TMEM108: variants seen among roughly 807,000 people sequenced by gnomAD.
TMEM108 encodes the protein cancer/testis antigen 124.
TMEM108 carries 12 observed loss-of-function variants against 35.1 expected under a neutral mutation model. The ratio of observed to expected loss-of-function variants is 0.34; its 90% CI spans 0.22 to 0.55. The LOEUF (loss-of-function observed/expected upper bound fraction) is 0.55. TMEM108 is among the 20% of genes least tolerant of loss of function. The pLI is 0.89. For synonymous variants in TMEM108, 287 were observed against 308.6 expected, an observed-to-expected ratio of 0.93 and a Z score of 0.73; for missense variants, 680 against 753.3, an observed-to-expected ratio of 0.90 and a Z score of 1.14.
At chr3:133,272,389 C>T (rs1946785532) in intron 3 of TMEM108, among the ~76,000 whole-genome samples, 1 of 151,802 alleles carries the variant, frequency 6.6e-6, no homozygotes, top group African/African-American at 2.4e-5. Context: ...ATCTCATAGA[C>T]CCTATGGTCA....
intron 2 of TMEM108, among the ~76,000 whole-genome samples, chr3:133,149,034 A>T (rs1019810936): frequency 6.6e-6 from 1 of 151,994 alleles, no homozygotes; most frequent in Admixed American, 6.6e-5. Flanking sequence ...AAACACAAAT[A>T]TTTAACCTAG....
intron 3 of TMEM108, among the ~76,000 whole-genome samples, chr3:133,242,066 G>A (rs985497723): frequency 3.9e-5 from 6 of 152,108 alleles, no homozygotes; most frequent in Admixed American, 6.5e-5. Context: ...CTCTGCCTCC[G>A]TTTTACATGG....
intron 4 of TMEM108, among the ~76,000 whole-genome samples, chr3:133,386,055 T>C (rs907524588): frequency 2.0e-5 from 3 of 152,184 alleles, no homozygotes; most frequent in Non-Finnish European, 2.9e-5. Context: ...TACAGTGTTG[T>C]TCTAAGAAAG....
chr3:133,075,739 T>C (rs954327566), intron 2 of TMEM108, among the ~76,000 whole-genome samples: 4 of 152,098 alleles, frequency 2.6e-5, no homozygotes, highest in African/African-American at 9.7e-5. Flanking sequence ...TGGGAAAATA[T>C]CAGAAAAGAT....
chr3:133,140,791 CT>C (rs5852730), intron 2 of TMEM108, among the ~76,000 whole-genome samples: 17,231 of 152,148 alleles, frequency 0.11, 1,072 homozygotes, highest in Admixed American at 0.14. Context: ...AAAATGAAGT[CT>C]GGCTCTAAGA....
At chr3:133,324,425 A>G (rs1358524483) in intron 3 of TMEM108, among the ~76,000 whole-genome samples, 1 of 152,200 alleles carries the variant, frequency 6.6e-6, no homozygotes, top group Non-Finnish European at 1.5e-5. Context: ...AAAATATTCA[A>G]CATCACTAAT....
chr3:133,380,728 C>T lies in TMEM108; in HGVS notation c.1017C>T (p.Thr339=), dbSNP rs1230109334. Residue 339 remains threonine (T), a synonymous_variant, in exon 4 of 6, where the codon ACC becomes ACT. Transcript: ENST00000321871. This position sits in a 1 kb window ranked among gnomAD's most constrained non-coding sequence, Gnocchi z 5.3. ...PSHSDSWLTV[T]PGTSRPLSTS... is the part of the protein sequence containing the mutation. ...ATAGTGACTCTTGGCTTACTGTTAC[C>T]CCTGGCACCAGCAGACCTCTGTCTA... 1.9e-6 allele frequency: 3 copies of T among 1,614,076 alleles called. No individual in the cohort carries two copies. Among genetic ancestry groups the T allele is most frequent in the Non-Finnish European group, 2.5e-6 (3 of 1,180,014 alleles).
At chr3:133,112,599 A>C (rs1228546478) in intron 2 of TMEM108, among the ~76,000 whole-genome samples, 1 of 152,186 alleles carries the variant, frequency 6.6e-6, no homozygotes, top group Non-Finnish European at 1.5e-5. Flanking sequence ...ATCTTCCCTC[A>C]ACCCTATTCA....
intron 2 of TMEM108, among the ~76,000 whole-genome samples, chr3:133,194,805 A>G (rs1945553498): frequency 6.6e-6 from 1 of 152,212 alleles, no homozygotes; most frequent in Non-Finnish European, 1.5e-5. Flanking sequence ...AGCAAATCCC[A>G]AAATCATAGA....
intron 2 of TMEM108, among the ~76,000 whole-genome samples, chr3:133,123,652 AT>A (rs1484620429): frequency 3.9e-5 from 6 of 152,238 alleles, no homozygotes; most frequent in African/African-American, 1.4e-4. Flanking sequence ...CAATAAAAAA[AT>A]GTCCTTGTTC....
chr3:133,395,355 AT>A (rs1365811042), intron 5 of TMEM108, among the ~76,000 whole-genome samples: 4 of 152,202 alleles, frequency 2.6e-5, no homozygotes, highest in Admixed American at 2.6e-4. Flanking sequence ...GGTCTGTTAG[AT>A]CCTGACAGGT....
chr3:133,117,009 A>G (rs1022449143), intron 2 of TMEM108, among the ~76,000 whole-genome samples: 1 of 152,158 alleles, frequency 6.6e-6, no homozygotes, highest in Non-Finnish European at 1.5e-5. Flanking sequence ...ACCTCAGGTG[A>G]TCCACCCACC....
At chr3:133,225,306 A>T (rs1461921929) in intron 2 of TMEM108, among the ~76,000 whole-genome samples, 1 of 152,132 alleles carries the variant, frequency 6.6e-6, no homozygotes, top group Non-Finnish European at 1.5e-5. Context: ...TTGGCCTCCC[A>T]AAGTGCTGGG....
intron 3 of TMEM108, chr3:133,257,006 A>T (rs945105914): frequency 5.9e-5 from 9 of 152,248 alleles, no homozygotes; most frequent in African/African-American, 2.2e-4. Flanking sequence ...ACTGAAAGGG[A>T]AACAGTGCCT....
At chr3:133,353,027 C>T (rs1451045947) in intron 3 of TMEM108, among the ~76,000 whole-genome samples, 2 of 152,142 alleles carry the variant, frequency 1.3e-5, no homozygotes, top group Non-Finnish European at 2.9e-5. Context: ...CATTAGCATA[C>T]AAAAAGAAGC....
intron 2 of TMEM108, among the ~76,000 whole-genome samples, chr3:133,163,113 C>T (rs768342854): frequency 2.6e-5 from 4 of 152,198 alleles, no homozygotes; most frequent in Non-Finnish European, 5.9e-5. Flanking sequence ...AGCCTCTCAG[C>T]TGCCATCTCC....
At chr3:133,267,527 A>G (rs1946716304) in intron 3 of TMEM108, among the ~76,000 whole-genome samples, 1 of 152,244 alleles carries the variant, frequency 6.6e-6, no homozygotes, top group Non-Finnish European at 1.5e-5. Context: ...GGAGAAGTCA[A>G]CTATTGCTGC....
At chr3:133,105,618 G>T (rs1457524377) in intron 2 of TMEM108, among the ~76,000 whole-genome samples, 1 of 142,444 alleles carries the variant, frequency 7.0e-6, no homozygotes, top group Non-Finnish European at 1.6e-5. Context: ...AAACCTTGGG[G>T]GTATGTGTGT....
intron 5 of TMEM108, among the ~76,000 whole-genome samples, chr3:133,391,280 C>A (rs542022074): frequency 6.6e-6 from 1 of 152,254 alleles, no homozygotes; most frequent in East Asian, 1.9e-4. Flanking sequence ...GAAAGACAGA[C>A]TAAAAATAGG....
Sources: gnomAD v4.1 joint callset for allele counts (sites outside exome capture counted in the v4.1 genomes callset) on GRCh38, gnomAD v4.1.1 for gene constraint, Gnocchi (gnomAD v3.1) non-coding constraint, MANE v1.5 for transcripts, NCBI Gene and HGNC (gene_info 2026-07-23, HGNC 2026-07-21) for gene names.